APBB2: variants seen among roughly 807,000 people sequenced by gnomAD.
APBB2 encodes the protein amyloid beta precursor protein binding family B member 2, also known as Fe65-like 1.
APBB2 carries 38 observed loss-of-function variants against 82.5 expected under a neutral mutation model. The observed-to-expected ratio is 0.46, with a 90% CI of 0.36 to 0.60. The LOEUF is 0.60. APBB2 is among the 20% of genes least tolerant of loss of function. The pLI is 0.00. For missense variants in APBB2, 772 were observed against 972.3 expected (o/e 0.79, Z 2.74); for synonymous variants, 341 against 368.2 (o/e 0.93, Z 0.85).
At chr4:41,163,418 CAAAG>C (rs1237891842) in intron 1 of APBB2, among the ~76,000 whole-genome samples, 1 of 151,946 alleles carries the variant, frequency 6.6e-6, no homozygotes, top group Non-Finnish European at 1.5e-5. Context: ...CAAGAATGAC[CAAAG>C]AAAGAAGGAA....
chr4:40,987,395 G>A (rs1800676694), intron 6 of APBB2, among the ~76,000 whole-genome samples: 1 of 152,202 alleles, frequency 6.6e-6, no homozygotes, highest in Admixed American at 6.5e-5. Context: ...TCATCAGCGG[G>A]AAGGTTTGAC....
chr4:40,853,864 T>A (rs1760287305), intron 12 of APBB2, among the ~76,000 whole-genome samples: 2 of 152,108 alleles, frequency 1.3e-5, no homozygotes, highest in Admixed American at 1.3e-4. Flanking sequence ...ATGGCCCCTT[T>A]CCCCTCTGAG....
At chr4:41,155,901 T>C (rs7669288) in intron 1 of APBB2, among the ~76,000 whole-genome samples, 56,288 of 152,028 alleles carry the variant, frequency 0.37, 12,188 homozygotes, top group African/African-American at 0.61. Flanking sequence ...TATTTAACCA[T>C]AAAAGTGAAA....
intron 12 of APBB2, chr4:40,857,152 A>G: frequency 9.1e-6 from 9 of 985,320 alleles, no homozygotes; most frequent in Non-Finnish European, 1.1e-5. Context: ...CCCGGGCTCA[A>G]GTTGAAGAGA....
At chr4:41,184,603 T>C (rs932021422) in intron 1 of APBB2, among the ~76,000 whole-genome samples, 2 of 152,204 alleles carry the variant, frequency 1.3e-5, no homozygotes, top group African/African-American at 2.4e-5. Context: ...TTTTTCTCCA[T>C]TGTGTGTCAC....
intron 13 of APBB2, among the ~76,000 whole-genome samples, chr4:40,830,142 G>A (rs1166487117): frequency 6.7e-6 from 1 of 150,248 alleles, no homozygotes; most frequent in Admixed American, 6.6e-5. Context: ...TGTGTAGATG[G>A]AGTGCTACTT....
intron 3 of APBB2, among the ~76,000 whole-genome samples, chr4:41,090,613 T>C (rs115716031): frequency 6.6e-6 from 1 of 152,312 alleles, no homozygotes; most frequent in Non-Finnish European, 1.5e-5. Flanking sequence ...TTTAAAAAGA[T>C]ATAGAATGCT....
chr4:41,040,643 T>C (rs1329862965), intron 4 of APBB2, among the ~76,000 whole-genome samples: 1 of 152,154 alleles, frequency 6.6e-6, no homozygotes, highest in Non-Finnish European at 1.5e-5. Context: ...CATTACACCA[T>C]GTTTTTTGGA....
intron 6 of APBB2, among the ~76,000 whole-genome samples, chr4:40,949,738 G>A (rs1789551259): frequency 6.6e-6 from 1 of 151,260 alleles, no homozygotes; most frequent in Non-Finnish European, 1.5e-5. Context: ...CTGAAAACTG[G>A]AAAGGAAACA....
chr4:41,139,778 G>A (rs1243476474), intron 2 of APBB2, among the ~76,000 whole-genome samples: 2 of 152,142 alleles, frequency 1.3e-5, no homozygotes, highest in Non-Finnish European at 2.9e-5. Flanking sequence ...TGAACAGGTA[G>A]AACATGCAAT....
At chr4:41,029,394 C>T (rs764062572) in intron 5 of APBB2, among the ~76,000 whole-genome samples, 3 of 152,122 alleles carry the variant, frequency 2.0e-5, no homozygotes, top group East Asian at 1.9e-4. Context: ...CTTGGGTCAC[C>T]GGGCCAGGGA....
At chr4:41,134,613 A>T (rs577900862) in intron 2 of APBB2, among the ~76,000 whole-genome samples, 123 of 152,278 alleles carry the variant, frequency 8.1e-4, no homozygotes, top group African/African-American at 2.8e-3. Flanking sequence ...TGGGTGTAAG[A>T]CTTGAACAAA....
chr4:40,912,266 C>T (rs1192851316), intron 10 of APBB2, among the ~76,000 whole-genome samples: 6 of 152,174 alleles, frequency 3.9e-5, no homozygotes, highest in African/African-American at 1.2e-4. Flanking sequence ...CCTAACCCAC[C>T]GCAGCCTAAG....
chr4:40,899,680 C>T (rs1320823335), intron 10 of APBB2, among the ~76,000 whole-genome samples: 3 of 152,240 alleles, frequency 2.0e-5, no homozygotes, highest in African/African-American at 2.4e-5. Flanking sequence ...CCGCAAGATA[C>T]TATTATTTCA....
chr4:40,904,491 G>A (rs1377815018), intron 10 of APBB2, among the ~76,000 whole-genome samples: 2 of 151,650 alleles, frequency 1.3e-5, no homozygotes, highest in Non-Finnish European at 2.9e-5. Flanking sequence ...AGTGAGCAAA[G>A]GGCTATGACC....
At chr4:40,895,980 G>C (rs1578255874) in intron 10 of APBB2, among the ~76,000 whole-genome samples, 1 of 152,170 alleles carries the variant, frequency 6.6e-6, no homozygotes, top group Non-Finnish European at 1.5e-5. Context: ...TTTGCTATAT[G>C]CCTCTGAGAT....
chr4:41,138,418 G>A (rs929924091), intron 2 of APBB2, among the ~76,000 whole-genome samples: 3 of 152,046 alleles, frequency 2.0e-5, no homozygotes, highest in Admixed American at 6.6e-5. Flanking sequence ...TTTCATTGTT[G>A]GGGGGAAAGA....
intron 13 of APBB2, among the ~76,000 whole-genome samples, chr4:40,830,211 C>CACACACACACACACACACACATATATAT (rs1292292234): frequency 6.7e-6 from 1 of 149,550 alleles, no homozygotes; most frequent in African/African-American, 2.4e-5. Flanking sequence ...CACACACACA[C>CACACACACACACACACACACATATATAT]ATATATATAT....
intron 2 of APBB2, among the ~76,000 whole-genome samples, chr4:41,119,399 G>A (rs553405140): frequency 7.3e-5 from 11 of 150,812 alleles, no homozygotes; most frequent in African/African-American, 1.9e-4. Flanking sequence ...AACATGTTTC[G>A]GGCTCCAAGT....
Sources: gnomAD v4.1 joint callset for allele counts (sites outside exome capture counted in the v4.1 genomes callset) on GRCh38, gnomAD v4.1.1 for gene constraint, MANE v1.5 for transcripts, NCBI Gene and HGNC (gene_info 2026-07-23, HGNC 2026-07-21) for gene names.